The following GALNT13 variants were observed in gnomAD, a reference collection of about 807,000 sequenced individuals.
The protein encoded by GALNT13 is polypeptide N-acetylgalactosaminyltransferase 13, also known as UDP-GalNAc:polypeptide N-acetylgalactosaminyltransferase 13.
Under a neutral mutation model 64.2 loss-of-function variants are expected in GALNT13, and 28 were observed. That is an observed-to-expected ratio of 0.44 (90% CI 0.32 to 0.60). The LOEUF (loss-of-function observed/expected upper bound fraction) is 0.60, where lower values mean the gene tolerates loss of function less well. Ranked by LOEUF, GALNT13 falls within the 20% of genes least tolerant of loss-of-function variation. The pLI is 0.05. For synonymous variants in GALNT13, 214 were observed against 224.6 expected, an observed-to-expected ratio of 0.95 and a Z score of 0.42; for missense variants, 577 against 669.8, an observed-to-expected ratio of 0.86 and a Z score of 1.53.
At chr2:153,075,589 C>A in the GALNT13 span, among the ~76,000 whole-genome samples, 1 of 152,122 alleles carries the variant, frequency 6.6e-6, no homozygotes, top group African/African-American at 2.4e-5. Context: ...GTTACACTAT[C>A]AATTCAAGAG....
At chr2:154,398,023 A>G (rs1017271886) in intron 10 of GALNT13, among the ~76,000 whole-genome samples, 24 of 152,342 alleles carry the variant, frequency 1.6e-4, no homozygotes, top group African/African-American at 5.8e-4. Flanking sequence ...AATATACTAC[A>G]GTGCTTTTTA....
the GALNT13 span, among the ~76,000 whole-genome samples, chr2:153,431,592 C>T: frequency 5.9e-3 from 901 of 152,336 alleles, 7 homozygotes; most frequent in African/African-American, 0.02. Flanking sequence ...GCTGCTCAAC[C>T]TCCTGCTCCC....
the GALNT13 span, among the ~76,000 whole-genome samples, chr2:153,645,935 T>C: frequency 6.6e-6 from 1 of 152,220 alleles, no homozygotes; most frequent in South Asian, 2.1e-4. Context: ...GTTACTAAAA[T>C]TTTACATTTG....
At chr2:153,382,803 C>G in the GALNT13 span, among the ~76,000 whole-genome samples, 1 of 151,906 alleles carries the variant, frequency 6.6e-6, no homozygotes, top group Non-Finnish European at 1.5e-5. Flanking sequence ...TTTTCTTACT[C>G]TATGACAAAA....
At chr2:153,228,514 T>G in the GALNT13 span, among the ~76,000 whole-genome samples, 101,517 of 151,868 alleles carry the variant, frequency 0.67, 35,013 homozygotes, top group African/African-American at 0.77. Context: ...CTAAGTTCTT[T>G]GTATTGAGGC....
chr2:153,476,195 G>C, the GALNT13 span, among the ~76,000 whole-genome samples: 1 of 152,194 alleles, frequency 6.6e-6, no homozygotes, highest in Non-Finnish European at 1.5e-5. Flanking sequence ...TTACTTGAGA[G>C]CGAAATGGAC....
intron 3 of GALNT13, among the ~76,000 whole-genome samples, chr2:154,097,831 C>G (rs1702148815): frequency 6.6e-6 from 1 of 151,904 alleles, no homozygotes; most frequent in African/African-American, 2.4e-5. Context: ...GAGCAATAAC[C>G]CCAGTAAATT....
At chr2:154,414,917 A>G (rs1699943770) in intron 11 of GALNT13, among the ~76,000 whole-genome samples, 1 of 151,934 alleles carries the variant, frequency 6.6e-6, no homozygotes, top group South Asian at 2.1e-4. Context: ...TATCATCATA[A>G]AGGCATAATA....
intron 3 of GALNT13, among the ~76,000 whole-genome samples, chr2:153,995,499 C>T (rs1397503055): frequency 6.6e-6 from 1 of 152,104 alleles, no homozygotes; most frequent in Non-Finnish European, 1.5e-5. Context: ...TCATAACTAT[C>T]ATTTAAATTT....
the GALNT13 span, among the ~76,000 whole-genome samples, chr2:153,191,672 G>T: frequency 6.7e-6 from 1 of 150,136 alleles, no homozygotes; most frequent in Non-Finnish European, 1.5e-5. Flanking sequence ...GTAGAAGTTG[G>T]CTGTGAAGCT....
At chr2:154,198,407 T>C (rs1686990399) in intron 4 of GALNT13, among the ~76,000 whole-genome samples, 1 of 152,056 alleles carries the variant, frequency 6.6e-6, no homozygotes, top group African/African-American at 2.4e-5. Flanking sequence ...TGGTAAAGTA[T>C]ATACAACATA....
chr2:153,276,840 T>C, the GALNT13 span, among the ~76,000 whole-genome samples: 1 of 152,192 alleles, frequency 6.6e-6, no homozygotes, highest in Admixed American at 6.5e-5. Flanking sequence ...TCTCTAACTA[T>C]ATAGCTTGGC....
At chr2:154,045,763 C>T (rs2105335960) in intron 3 of GALNT13, among the ~76,000 whole-genome samples, 1 of 152,300 alleles carries the variant, frequency 6.6e-6, no homozygotes, top group Non-Finnish European at 1.5e-5. Flanking sequence ...AACCCTTCCT[C>T]CGCTCACCAA....
At chr2:153,174,671 A>G in the GALNT13 span, among the ~76,000 whole-genome samples, 1 of 152,176 alleles carries the variant, frequency 6.6e-6, no homozygotes, top group Non-Finnish European at 1.5e-5. Context: ...GTTCATCACT[A>G]TAAGTTCTAT....
chr2:153,293,540 G>A, the GALNT13 span, among the ~76,000 whole-genome samples: 1 of 152,108 alleles, frequency 6.6e-6, no homozygotes, highest in East Asian at 1.9e-4. Flanking sequence ...GAAAAACGCA[G>A]CCCTGCAAAC....
chr2:154,424,196 C>G (rs913313706), intron 11 of GALNT13, among the ~76,000 whole-genome samples: 2 of 152,062 alleles, frequency 1.3e-5, no homozygotes, highest in African/African-American at 2.4e-5. Context: ...CTAATGAAAT[C>G]TGAATAAACT....
the GALNT13 span, among the ~76,000 whole-genome samples, chr2:153,803,528 TA>T: frequency 4.6e-5 from 7 of 151,562 alleles, no homozygotes; most frequent in African/African-American, 1.7e-4. Flanking sequence ...CCGTCTCTAC[TA>T]AAAATACAAA....
intron 2 of GALNT13, among the ~76,000 whole-genome samples, chr2:153,944,012 C>T (rs1260376373): frequency 1.4e-4 from 22 of 152,072 alleles, no homozygotes; most frequent in Non-Finnish European, 2.9e-4. Context: ...TATATTGTAT[C>T]CCAGGATGAT....
At chr2:154,367,784 G>C in intron 9 of GALNT13, among the ~76,000 whole-genome samples, 1 of 152,086 alleles carries the variant, frequency 6.6e-6, no homozygotes, top group Non-Finnish European at 1.5e-5. Context: ...GTGTGGATAT[G>C]ATCTATAAAC....
Sources: allele counts gnomAD v4.1 joint callset (sites outside exome capture counted in the v4.1 genomes callset), GRCh38; gene constraint gnomAD v4.1.1; transcripts MANE v1.5; gene names NCBI Gene and HGNC (gene_info 2026-07-23, HGNC 2026-07-21).